The following SCAPER variants were observed in gnomAD, a reference collection of about 807,000 sequenced individuals.
SCAPER encodes the protein S-phase cyclin A associated protein in the ER, also known as S phase cyclin A-associated protein in the endoplasmic reticulum.
A neutral mutation model predicts 182.2 loss-of-function variants in SCAPER; 98 were observed. The ratio of observed to expected loss-of-function variants is 0.54; its 90% confidence interval spans 0.46 to 0.64. The LOEUF (loss-of-function observed/expected upper bound fraction) is 0.64, where lower values mean the gene tolerates loss of function less well. Ranked by LOEUF, SCAPER falls within the 30% of genes least tolerant of loss-of-function variation. The pLI is 0.00. For synonymous variants in SCAPER, 605 were observed against 564.6 expected, an observed-to-expected ratio of 1.07 and a Z score of -1.01; for missense variants, 1,432 against 1,690.0, an observed-to-expected ratio of 0.85 and a Z score of 2.68.
chr15:76,862,550 T>C lies in SCAPER; in HGVS notation c.7-17A>G. On this transcript the variant is annotated splice_polypyrimidine_tract_variant and intron_variant, in intron 2 of 31. Transcript: ENST00000563290. ...GAATGAAGCCTATGTATGGAAAAGA[T>C]GGTACTTATTAGATTATTAGATAAG... is the stretch of plus-strand genomic sequence containing the variant. 6.9e-7 allele frequency: 1 copy of C among 1,447,760 alleles called. No homozygotes were observed. The highest frequency in any genetic ancestry group is 1.2e-5 in the South Asian group (1 of 84,034). The allele number at this position is 1,447,760 out of a possible 1,614,324, so 89.7% of individuals were successfully genotyped here.
chr15:76,862,011 G>C (rs990829181), intron 3 of SCAPER: 1 of 153,086 alleles, frequency 6.5e-6, no homozygotes, highest in Admixed American at 6.5e-5. Flanking sequence ...TCACTGTCAC[G>C]AGAACAGCAT....
intron 3 of SCAPER, among the ~76,000 whole-genome samples, chr15:76,861,576 G>A (rs1029126101): frequency 6.6e-6 from 1 of 151,960 alleles, no homozygotes; most frequent in Non-Finnish European, 1.5e-5. Context: ...GCTTCACACT[G>A]CCTCTAGCCA....
chr15:76,365,089 G>T (rs1053846173), intron 29 of SCAPER, among the ~76,000 whole-genome samples: 2 of 152,046 alleles, frequency 1.3e-5, no homozygotes, highest in African/African-American at 4.8e-5. Context: ...TGGATGTCTG[G>T]AACAGTGCCT....
chr15:76,640,805 G>T (rs1211733433), intron 21 of SCAPER, among the ~76,000 whole-genome samples: 2 of 152,206 alleles, frequency 1.3e-5, no homozygotes, highest in Admixed American at 6.5e-5. Flanking sequence ...GCAGGATTGT[G>T]TAAAGACAAT....
intron 24 of SCAPER, among the ~76,000 whole-genome samples, chr15:76,490,051 G>A (rs2052129097): frequency 6.6e-6 from 1 of 152,064 alleles, no homozygotes; most frequent in African/African-American, 2.4e-5. Context: ...GAATGTCAAT[G>A]GACATTCAAG....
At chr15:76,748,342 C>T (rs1006139482) in intron 15 of SCAPER, among the ~76,000 whole-genome samples, 5 of 151,998 alleles carry the variant, frequency 3.3e-5, no homozygotes, top group Non-Finnish European at 7.4e-5. Flanking sequence ...TACCACAGAT[C>T]ATACACAAAA....
chr15:76,695,221 A>G (rs1477573247), intron 20 of SCAPER, among the ~76,000 whole-genome samples: 2 of 152,192 alleles, frequency 1.3e-5, no homozygotes, highest in Non-Finnish European at 2.9e-5. Flanking sequence ...AAATCTGTTA[A>G]GAGTCAACTT....
At chr15:76,640,296 C>G (rs1452685912) in intron 21 of SCAPER, among the ~76,000 whole-genome samples, 1 of 152,138 alleles carries the variant, frequency 6.6e-6, no homozygotes, top group African/African-American at 2.4e-5. Flanking sequence ...GAGTTTAGAA[C>G]ATAGATTACA....
intron 20 of SCAPER, among the ~76,000 whole-genome samples, chr15:76,686,494 T>C (rs2058046266): frequency 6.6e-6 from 1 of 152,044 alleles, no homozygotes; most frequent in Non-Finnish European, 1.5e-5. Flanking sequence ...AGAAAAACAG[T>C]ATAGGATCAT....
chr15:76,757,664 A>G (rs1240638013), intron 14 of SCAPER, among the ~76,000 whole-genome samples: 3 of 152,064 alleles, frequency 2.0e-5, no homozygotes, highest in Non-Finnish European at 4.4e-5. Context: ...CTCTATTTTA[A>G]TTTTTTGAGG....
At chr15:76,547,326 CT>C (rs2045379444) in intron 23 of SCAPER, among the ~76,000 whole-genome samples, 1 of 152,074 alleles carries the variant, frequency 6.6e-6, no homozygotes, top group Admixed American at 6.6e-5. Context: ...ACGTGGATTT[CT>C]TTTTCTATGG....
chr15:76,355,028 A>G (rs2040860082), intron 29 of SCAPER, among the ~76,000 whole-genome samples: 1 of 152,264 alleles, frequency 6.6e-6, no homozygotes, highest in Non-Finnish European at 1.5e-5. Flanking sequence ...TAAGGTCAGA[A>G]CTGTAAATTG....
intron 21 of SCAPER, among the ~76,000 whole-genome samples, chr15:76,658,881 A>C (rs2055889076): frequency 6.6e-6 from 1 of 152,214 alleles, no homozygotes; most frequent in South Asian, 2.1e-4. Flanking sequence ...AGAAGCTAAA[A>C]CTGAACCTCT....
chr15:76,506,362 C>T (rs1371367364), intron 23 of SCAPER, among the ~76,000 whole-genome samples: 1 of 151,788 alleles, frequency 6.6e-6, no homozygotes, highest in African/African-American at 2.4e-5. Context: ...CAAAATATCT[C>T]ATGTATACCA....
chr15:76,701,685 G>A (rs1454387492), intron 20 of SCAPER, 73 bp downstream of exon 20: 36 of 1,155,534 alleles, frequency 3.1e-5, no homozygotes, highest in Non-Finnish European at 3.8e-6. Flanking sequence ...TACAAACACG[G>A]AATTCTTTAT....
At chr15:76,491,938 G>GT (rs2052357827) in intron 24 of SCAPER, among the ~76,000 whole-genome samples, 2 of 152,076 alleles carry the variant, frequency 1.3e-5, no homozygotes, top group Non-Finnish European at 2.9e-5. Flanking sequence ...GGCTTGTTTT[G>GT]TTTTTTAAGC....
intron 14 of SCAPER, among the ~76,000 whole-genome samples, chr15:76,763,462 G>A (rs1033319549): frequency 1.3e-5 from 2 of 151,818 alleles, no homozygotes; most frequent in African/African-American, 4.8e-5. Context: ...TCTTGATGTA[G>A]ACTTCTTTAA....
intron 21 of SCAPER, among the ~76,000 whole-genome samples, chr15:76,656,517 C>T (rs573711312): frequency 5.3e-5 from 8 of 152,186 alleles, no homozygotes; most frequent in Admixed American, 2.0e-4. Context: ...CAATGATATT[C>T]GGGGCCTGAA....
At chr15:76,598,788 C>G (rs2049696465) in intron 22 of SCAPER, among the ~76,000 whole-genome samples, 1 of 119,526 alleles carries the variant, frequency 8.4e-6, no homozygotes, top group Non-Finnish European at 2.0e-5. Flanking sequence ...ACATCACACA[C>G]CGGGGCCTGT....
Sources: allele counts gnomAD v4.1 joint callset (sites outside exome capture counted in the v4.1 genomes callset), GRCh38; gene constraint gnomAD v4.1.1; transcripts MANE v1.5; gene names NCBI Gene and HGNC (gene_info 2026-07-23, HGNC 2026-07-21).